SLC44A5: variants seen among roughly 807,000 people sequenced by gnomAD.
The protein encoded by SLC44A5 is solute carrier family 44 member 5, also known as choline transporter-like protein 5.
A neutral mutation model predicts 101.8 loss-of-function variants in SLC44A5; 57 were observed. That is an observed-to-expected ratio of 0.56 (90% CI 0.45 to 0.70). The LOEUF (loss-of-function observed/expected upper bound fraction) is 0.70. Ranked by LOEUF, SLC44A5 falls within the 30% of genes least tolerant of loss-of-function variation. SLC44A5 has a pLI of 0.00. For missense variants in SLC44A5, 737 were observed against 853.1 expected (o/e 0.86, Z 1.70); for synonymous variants, 281 against 290.9 (o/e 0.97, Z 0.35).
At chr1:75,305,609 G>A (rs1654839149) in intron 4 of SLC44A5, among the ~76,000 whole-genome samples, 1 of 152,130 alleles carries the variant, frequency 6.6e-6, no homozygotes, top group Non-Finnish European at 1.5e-5. Flanking sequence ...TTCACACAAT[G>A]ATACACAGCC....
At chr1:75,369,016 AT>A (rs879728034) in intron 3 of SLC44A5, among the ~76,000 whole-genome samples, 136 of 40,398 alleles carry the variant, frequency 3.4e-3, no homozygotes, top group Non-Finnish European at 3.2e-3. Flanking sequence ...TCTTTCTCAC[AT>A]TTTTTTTTTT....
chr1:75,648,752 C>A, the SLC44A5 span, among the ~76,000 whole-genome samples: 3 of 151,902 alleles, frequency 2.0e-5, no homozygotes, highest in Admixed American at 2.0e-4. Flanking sequence ...TTCAGGGAAT[C>A]CTGAACTTTG....
At chr1:75,506,744 G>GT (rs1163746957) in intron 2 of SLC44A5, among the ~76,000 whole-genome samples, 1 of 151,582 alleles carries the variant, frequency 6.6e-6, no homozygotes, top group Non-Finnish European at 1.5e-5. Flanking sequence ...AGTCTTTTGG[G>GT]TTTTCTAGGT....
At chr1:75,265,950 T>G (rs1650948764) in intron 6 of SLC44A5, among the ~76,000 whole-genome samples, 1 of 152,196 alleles carries the variant, frequency 6.6e-6, no homozygotes, top group African/African-American at 2.4e-5. Flanking sequence ...TGTACCTAAG[T>G]GTCATGAGCA....
intron 2 of SLC44A5, among the ~76,000 whole-genome samples, chr1:75,499,562 G>A (rs371057629): frequency 1.2e-4 from 18 of 152,124 alleles, no homozygotes; most frequent in South Asian, 4.1e-4. Context: ...AGCAAACAAC[G>A]CATTTCTCAG....
the SLC44A5 span, among the ~76,000 whole-genome samples, chr1:75,681,989 G>C: frequency 6.6e-6 from 1 of 152,124 alleles, no homozygotes; most frequent in African/African-American, 2.4e-5. Flanking sequence ...AATCATGAGT[G>C]AACTCCCATT....
chr1:75,431,252 A>C (rs1664596463), intron 2 of SLC44A5, among the ~76,000 whole-genome samples: 1 of 152,170 alleles, frequency 6.6e-6, no homozygotes, highest in South Asian at 2.1e-4. Context: ...AACAAAGCAA[A>C]TACTTAGGGA....
intron 1 of SLC44A5, among the ~76,000 whole-genome samples, chr1:75,550,583 T>G (rs1294107003): frequency 1.3e-5 from 2 of 151,890 alleles, no homozygotes; most frequent in Non-Finnish European, 2.9e-5. Flanking sequence ...AAAAAAAAGA[T>G]CATTATTTGA....
intron 2 of SLC44A5, among the ~76,000 whole-genome samples, chr1:75,430,159 G>A (rs551504782): frequency 4.6e-5 from 7 of 152,286 alleles, no homozygotes; most frequent in African/African-American, 1.7e-4. Flanking sequence ...TTTAGGCTCT[G>A]CCTTTATGAA....
intron 3 of SLC44A5, among the ~76,000 whole-genome samples, chr1:75,391,126 C>T (rs1661757856): frequency 6.6e-6 from 1 of 152,030 alleles, no homozygotes; most frequent in Non-Finnish European, 1.5e-5. Context: ...CCTAGGAATA[C>T]ATTTAACCAA....
the SLC44A5 span, among the ~76,000 whole-genome samples, chr1:75,638,133 C>T: frequency 6.6e-6 from 1 of 151,846 alleles, no homozygotes; most frequent in Non-Finnish European, 1.5e-5. Context: ...CATCTCTATG[C>T]AGTAAATATG....
At chr1:75,439,069 T>C (rs1417678411) in intron 2 of SLC44A5, among the ~76,000 whole-genome samples, 1 of 152,112 alleles carries the variant, frequency 6.6e-6, no homozygotes, top group East Asian at 1.9e-4. Context: ...TGGGGCCTAA[T>C]GGGAGGTGTT....
intron 2 of SLC44A5, among the ~76,000 whole-genome samples, chr1:75,460,820 C>T (rs1666455520): frequency 1.3e-5 from 2 of 152,026 alleles, no homozygotes; most frequent in African/African-American, 2.4e-5. Context: ...ATCTTTTCTA[C>T]CCTAGAAATG....
chr1:75,384,203 A>G (rs1421635682), intron 3 of SLC44A5, among the ~76,000 whole-genome samples: 1 of 152,232 alleles, frequency 6.6e-6, no homozygotes, highest in Non-Finnish European at 1.5e-5. Context: ...TTCACACATA[A>G]CAATATTAAC....
At chr1:75,286,116 G>T (rs796525699) in intron 5 of SLC44A5, among the ~76,000 whole-genome samples, 6 of 152,162 alleles carry the variant, frequency 3.9e-5, no homozygotes, top group African/African-American at 1.4e-4. Flanking sequence ...CATTTCTCAG[G>T]TCTAGTAGTA....
At chr1:75,319,307 C>T (rs1001895593) in intron 4 of SLC44A5, among the ~76,000 whole-genome samples, 2 of 152,066 alleles carry the variant, frequency 1.3e-5, no homozygotes, top group African/African-American at 2.4e-5. Flanking sequence ...GTTGTAGATG[C>T]CATATCAATT....
At chr1:75,691,070 C>A in the SLC44A5 span, among the ~76,000 whole-genome samples, 6 of 152,096 alleles carry the variant, frequency 3.9e-5, no homozygotes, top group South Asian at 2.1e-4. Flanking sequence ...ATGCACCCCC[C>A]CCTTTCTTGA....
chr1:75,559,685 T>C (rs774963076), intron 1 of SLC44A5, among the ~76,000 whole-genome samples: 17 of 152,130 alleles, frequency 1.1e-4, no homozygotes, highest in Non-Finnish European at 1.6e-4. Context: ...ACTATATAAC[T>C]TGGACTTCAC....
intron 13 of SLC44A5, 150 bp downstream of exon 13, chr1:75,227,576 A>T: frequency 3.9e-6 from 2 of 515,450 alleles, no homozygotes; most frequent in Non-Finnish European, 6.3e-6. Flanking sequence ...TTTTCCACTT[A>T]CTGTAGTTAG....
Sources: gnomAD v4.1 joint callset for allele counts (sites outside exome capture counted in the v4.1 genomes callset) on GRCh38, gnomAD v4.1.1 for gene constraint, MANE v1.5 for transcripts, NCBI Gene and HGNC (gene_info 2026-07-23, HGNC 2026-07-21) for gene names.